Variants in PDIA6 observed in about 807,000 individuals in gnomAD.
PDIA6 encodes the protein protein disulfide-isomerase A6.
PDIA6 carries 29 observed loss-of-function variants against 58.4 expected under a neutral mutation model. The observed-to-expected ratio is 0.50, with a 90% CI of 0.37 to 0.68. The LOEUF is 0.68. Ranked by LOEUF, PDIA6 falls within the 30% of genes least tolerant of loss-of-function variation. PDIA6 has a pLI of 0.00. For synonymous variants in PDIA6, 192 were observed against 202.6 expected, an observed-to-expected ratio of 0.95 and a Z score of 0.44; for missense variants, 480 against 551.0, an observed-to-expected ratio of 0.87 and a Z score of 1.29.
At chr2:10,821,887 G>A (rs1214643744) in intron 1 of PDIA6, among the ~76,000 whole-genome samples, 4 of 151,656 alleles carry the variant, frequency 2.6e-5, no homozygotes, top group African/African-American at 9.7e-5. Flanking sequence ...GCCTCTCAAA[G>A]TTTTGGGATT....
At chr2:10,792,622 T>C (rs1734424) in intron 5 of PDIA6, among the ~76,000 whole-genome samples, 74,204 of 152,068 alleles carry the variant, frequency 0.49, 19,655 homozygotes, top group Middle Eastern at 0.58. Context: ...ACATTTCACA[T>C]AAGGGCATCT....
chr2:10,830,552 G>A (rs1050972101), intron 1 of PDIA6, among the ~76,000 whole-genome samples: 5 of 152,192 alleles, frequency 3.3e-5, no homozygotes, highest in Admixed American at 2.0e-4. Flanking sequence ...TGCAGCCAAG[G>A]GACAAAAGAG....
chr2:10,810,187 C>T, intron 1 of PDIA6: 1 of 867,966 alleles, frequency 1.2e-6, no homozygotes, highest in African/African-American at 1.7e-5. Context: ...TGGTATGTGT[C>T]ATGGTGCCCA....
intron 1 of PDIA6, chr2:10,821,202 T>TAC: frequency 8.5e-6 from 2 of 236,492 alleles, no homozygotes; most frequent in East Asian, 1.1e-4. Flanking sequence ...AAATTAATCA[T>TAC]GGCCTCATCA....
intron 1 of PDIA6, among the ~76,000 whole-genome samples, chr2:10,803,911 G>GTTTTTTTTTTTTTTTTTT (rs754643092): frequency 9.3e-5 from 11 of 117,904 alleles, no homozygotes; most frequent in East Asian, 2.5e-4. Flanking sequence ...TAGTTTTTGT[G>GTTTTTTTTTTTTTTTTTT]TTTTTTTTTT....
At chr2:10,818,597 C>T (rs1338053591) in intron 2 of PDIA6, among the ~76,000 whole-genome samples, 2 of 99,562 alleles carry the variant, frequency 2.0e-5, no homozygotes, top group African/African-American at 7.2e-5. Context: ...TCTCGACTCA[C>T]TACAACCTCT....
chr2:10,803,621 A>G (rs1666605453), intron 1 of PDIA6, among the ~76,000 whole-genome samples: 1 of 152,194 alleles, frequency 6.6e-6, no homozygotes, highest in Non-Finnish European at 1.5e-5. Flanking sequence ...TTTCATTAGC[A>G]ACTCTGGAAA....
intron 1 of PDIA6, among the ~76,000 whole-genome samples, chr2:10,803,911 G>GGTTTTTT (rs1553339551): frequency 2.5e-5 from 3 of 117,892 alleles, no homozygotes; most frequent in Non-Finnish European, 5.3e-5. Flanking sequence ...TAGTTTTTGT[G>GGTTTTTT]TTTTTTTTTT....
In PDIA6 at chr2:10,797,104, T is replaced by C. The variant is rs1666297255; in HGVS notation, c.323A>G (p.Lys108Arg). The change falls in exon 4 of 13, where the codon AAA becomes AGA. Residue 108 changes from lysine to arginine, a missense_variant. Lys to Arg is a conservative substitution (Grantham distance 26). Transcript: ENST00000272227. ...ACCTTGGTAATCTTCTGGTCTGTTTTTGTTGGATCCAAAAATCTTAATGGT... is the reference window on the plus strand; with the variant it reads ...ACCTTGGTAATCTTCTGGTCTGTTTCTGTTGGATCCAAAAATCTTAATGGT... Reference protein sequence around the residue: ...FPTIKIFGSNKNRPEDYQGGR... With the variant: ...FPTIKIFGSNRNRPEDYQGGR... 2 of 1,613,686 alleles carry C rather than the reference T, an allele frequency of 1.2e-6. No individual in the cohort carries two copies. The highest frequency in any genetic ancestry group is 1.7e-6 in the Non-Finnish European group (2 of 1,179,668).
intron 1 of PDIA6, among the ~76,000 whole-genome samples, chr2:10,828,521 C>T (rs180772300): frequency 6.6e-6 from 1 of 152,306 alleles, no homozygotes; most frequent in African/African-American, 2.4e-5. Context: ...TGTCTCCCGC[C>T]CTCCTTGCAC....
Position 10,784,051 on chromosome 2 carries a change from G to A in PDIA6, c.*207C>T, listed in dbSNP as rs545130737. The A allele has an allele frequency of 3.0e-4, 127 of 419,148 alleles. No homozygotes were observed. Among genetic ancestry groups the A allele is most frequent in the Non-Finnish European group, 4.9e-4 (117 of 236,462 alleles). The allele number at this position is 419,148 out of a possible 1,614,324, so 26.0% of individuals were successfully genotyped here. A position where few individuals can be genotyped will look rare whatever the true frequency, so the allele number is the denominator to read the frequency against. On this transcript the variant is annotated 3_prime_UTR_variant, in exon 13 of 13. Coordinates refer to ENST00000272227, the MANE Select transcript of PDIA6 (RefSeq NM_005742.4). ...GTGACAGAATACGACTCAATTCACCGGCTACAACAATTCATAGAATTTTTC... is the reference window on the plus strand; with the variant it reads ...GTGACAGAATACGACTCAATTCACCAGCTACAACAATTCATAGAATTTTTC...
At position 10,819,301 on chromosome 2, in the gene PDIA6, G is replaced by A. The variant is rs549101083; in HGVS notation, c.7C>T (p.Pro3Ser). 6 of 1,537,846 alleles carry A rather than the reference G, an allele frequency of 3.9e-6. No individual in the cohort carries two copies. In the African/African-American group the frequency reaches 5.5e-5, roughly 14 times the overall value. Residue 3 changes from proline (P) to serine (S), a missense_variant, in exon 2 of 14, where the codon CCA becomes TCA. Physicochemically the swap from Pro to Ser is moderately conservative, Grantham distance 74 (BLOSUM62 -1). Coordinates refer to the PDIA6 transcript ENST00000381611. ...GGTGCATTAGCCATGGTGGTTGATG[G>A]ATACATTATGGGACTTTTCCTTGAT... is the stretch of plus-strand genomic sequence containing the variant.
At chr2:10,794,448 G>GGA (rs1450967652) in intron 4 of PDIA6, among the ~76,000 whole-genome samples, 1 of 60,248 alleles carries the variant, frequency 1.7e-5, no homozygotes, top group African/African-American at 4.6e-5. Flanking sequence ...TCTGTGTCAA[G>GGA]AAAAAAAAAA....
chr2:10,788,577 A>AC lies in PDIA6; in HGVS notation c.998+119_998+120insG, dbSNP rs1665887541. On this transcript the variant is annotated intron_variant, in intron 10 of 12. Coordinates refer to ENST00000272227, the MANE Select transcript of PDIA6 (RefSeq NM_005742.4). ...AGGCTGAGGCAGGAGGGAAAAAAAA[A>AC]AAAAACATATAGCAGAGCAAACATA... 1.6e-5 allele frequency: 12 copies of AC among 730,148 alleles called. No homozygotes were observed. In the South Asian group the frequency reaches 2.0e-4, roughly 12 times the overall value. 45.2% of individuals were successfully genotyped at this position (730,148 alleles called of 1,614,324 possible).
At chr2:10,811,094 T>C (rs1329223461) in intron 1 of PDIA6, among the ~76,000 whole-genome samples, 12 of 152,192 alleles carry the variant, frequency 7.9e-5, no homozygotes, top group Admixed American at 7.9e-4. Context: ...AAGGCTGCCA[T>C]TTATTAAAAT....
At chr2:10,813,369 C>T (rs982267434), upstream of PDIA6, among the ~76,000 whole-genome samples, 1 of 152,250 alleles carries the variant, frequency 6.6e-6, no homozygotes, top group Admixed American at 6.5e-5. Flanking sequence ...CTGGAGAACC[C>T]CAGGGACTTA....
rs539798034 is a variant in PDIA6, at chr2:10,837,569, G to A, written c.37C>T (p.Arg13Ter). The change falls in exon 1 of 14, where the codon CGA (arginine) becomes TGA (stop). Residue 13 changes from arginine (R) to a stop codon, truncating the protein, a stop_gained. Coordinates refer to the PDIA6 transcript ENST00000404824. LOFTEE classifies it high-confidence loss of function. ...AGTATCATCAACTCATTTGATCCTC[G>A]GGACACTTTGGAGGCAGGGGCTGTG... 44 of 787,600 alleles carry A rather than the reference G, an allele frequency of 5.6e-5. No homozygotes were observed. In the African/African-American group the frequency reaches 6.5e-4, roughly 12 times the overall value. The allele number at this position is 787,600 out of a possible 1,614,324, so 48.8% of individuals were successfully genotyped here.
chr2:10,820,989 G>C, intron 1 of PDIA6: 1 of 633,590 alleles, frequency 1.6e-6, no homozygotes, highest in Non-Finnish European at 2.9e-6. Context: ...TAAGCAGGTC[G>C]TTGGGCCCAG....
chr2:10,787,670 T>C (rs905375143), intron 10 of PDIA6, among the ~76,000 whole-genome samples: 1 of 152,184 alleles, frequency 6.6e-6, no homozygotes, highest in Non-Finnish European at 1.5e-5. Context: ...AAACATTTGC[T>C]GGACTAATGG....
Sources: allele counts gnomAD v4.1 joint callset (sites outside exome capture counted in the v4.1 genomes callset), GRCh38; gene constraint gnomAD v4.1.1; transcripts MANE v1.5; gene names NCBI Gene and HGNC (gene_info 2026-07-23, HGNC 2026-07-21).